ZCCHC2: variants seen among roughly 807,000 people sequenced by gnomAD.
ZCCHC2 encodes zinc finger CCHC domain-containing protein 2.
A neutral mutation model predicts 103.6 loss-of-function variants in ZCCHC2; 39 were observed. The observed-to-expected ratio is 0.38, with a 90% CI of 0.29 to 0.49. ZCCHC2 has a LOEUF of 0.49. Among genes scored for constraint, ZCCHC2 ranks in the 20% least tolerant of loss-of-function variants. The probability of loss-of-function intolerance (pLI) is 0.96; values close to 1 mark genes in which losing one functional copy is unlikely to be tolerated. For synonymous variants in ZCCHC2, 687 were observed against 608.9 expected, an observed-to-expected ratio of 1.13 and a Z score of -1.89; for missense variants, 1,483 against 1,491.0, an observed-to-expected ratio of 0.99 and a Z score of 0.09.
In ZCCHC2 at chr18:62,574,058, CACAG is replaced by C; in HGVS notation, c.1982_1985del (p.Asp661AlafsTer35). 1.2e-6 allele frequency: 2 copies of C among 1,611,020 alleles called. No homozygotes were observed. Among genetic ancestry groups the C allele is most frequent in the Non-Finnish European group, 1.7e-6 (2 of 1,178,278 alleles). ...TCTCTTTATGTTTGTTTTCTTTAGA[CACAG>C]ACAGCAATTCTGAGGATTCTGGGAA... On this transcript the variant is annotated frameshift_variant and splice_region_variant, in exon 13 of 14. Coordinates refer to ENST00000269499, the MANE Select transcript of ZCCHC2 (RefSeq NM_017742.6). LOFTEE classifies it high-confidence loss of function.
At chr18:62,562,819 A>G (rs1353424850) in intron 8 of ZCCHC2, among the ~76,000 whole-genome samples, 190 bp from the exon 9 acceptor site, 1 of 152,258 alleles carries the variant, frequency 6.6e-6, no homozygotes, top group Non-Finnish European at 1.5e-5. Flanking sequence ...TTTAGAGACA[A>G]GTATTAATGA....
chr18:62,555,037 A>G (rs1205375257), intron 5 of ZCCHC2, among the ~76,000 whole-genome samples: 2 of 152,218 alleles, frequency 1.3e-5, no homozygotes, highest in Admixed American at 1.3e-4. Context: ...CAAAACTAAT[A>G]GAATGGGATT....
Position 62,575,278 on chromosome 18 carries a change from G to A in ZCCHC2, c.3197G>A (p.Ser1066Asn), listed in dbSNP as rs747575491. Residue 1066 changes from serine to asparagine, a missense_variant, in exon 13 of 14, where the codon AGC becomes AAC. Around this residue, in one of 3 missense-constraint regions of ZCCHC2, gnomAD observed 884 missense variants for 907.5 expected, o/e 0.97. Transcript: ENST00000269499. The stretch of plus-strand genomic sequence containing the variant: ...AGCTACCTCAACCAAGCACATCAGA[G>A]CAATGGAAACCAACTTCCTTTTTTT... The part of the protein sequence containing the change: ...NGSYLNQAHQ[S>N]NGNQLPFFLP... 3 of 1,613,988 alleles carry A rather than the reference G, an allele frequency of 1.9e-6. No individual in the cohort carries two copies. The highest frequency in any genetic ancestry group is 2.2e-5 in the South Asian group (2 of 91,078).
In ZCCHC2 at chr18:62,570,147, A is replaced by G. The variant is rs748057862; in HGVS notation, c.1891A>G (p.Thr631Ala). Residue 631 changes from threonine (T) to alanine (A), a missense_variant, in exon 12 of 14, where the codon ACA becomes GCA. This residue lies in a region of ZCCHC2 where 884 missense variants were observed against 907.5 expected (regional missense o/e 0.97). Transcript: ENST00000269499. Reference protein sequence around the residue: ...IGSGHDTCGETSSESYSSPSS... With the variant: ...IGSGHDTCGEASSESYSSPSS... ...CTCTGGACATGACACATGTGGAGAA[A>G]CATCTTCAGAGAGTTACAGTTCTCC... is the stretch of plus-strand genomic sequence containing the variant. 1 of 1,612,824 alleles carries G rather than the reference A, an allele frequency of 6.2e-7. No homozygotes were observed. Among genetic ancestry groups the G allele is most frequent in the East Asian group, 2.2e-5 (1 of 44,852 alleles).
chr18:62,581,889 A>G, downstream of ZCCHC2: 1 of 181,324 alleles, frequency 5.5e-6, no homozygotes, highest in Non-Finnish European at 1.2e-5. Context: ...AGTGCTGTGG[A>G]AGGCCAGGTG....
chr18:62,559,620 A>G (rs1272914469), intron 7 of ZCCHC2, among the ~76,000 whole-genome samples: 1 of 152,242 alleles, frequency 6.6e-6, no homozygotes, highest in Non-Finnish European at 1.5e-5. Flanking sequence ...GCAATCCTGC[A>G]TCTATGAGAA....
chr18:62,578,625 G>A (rs1263165538), downstream of ZCCHC2: 1 of 152,556 alleles, frequency 6.6e-6, no homozygotes, highest in Admixed American at 6.6e-5. Flanking sequence ...AGTGGAGATA[G>A]GACATCATAC....
At chr18:62,583,069 A>C (rs373300131), downstream of ZCCHC2, among the ~76,000 whole-genome samples, 24 of 152,112 alleles carry the variant, frequency 1.6e-4, no homozygotes, top group Non-Finnish European at 1.2e-4. Flanking sequence ...ATGCCACTGC[A>C]CTCCAGCCTA....
Position 62,576,776 on chromosome 18 carries a change from C to A in ZCCHC2, c.*197C>A. 3.9e-6 allele frequency: 2 copies of A among 517,488 alleles called. No individual in the cohort carries two copies. Among genetic ancestry groups the A allele is most frequent in the African/African-American group, 2.0e-5 (1 of 51,118 alleles). 32.1% of individuals were successfully genotyped at this position (517,488 alleles called of 1,614,324 possible). A position where few individuals can be genotyped will look rare whatever the true frequency, so the allele number is the denominator to read the frequency against. ...CTTTTGAGCCTCTGGTCTCCTGGTT[C>A]AACAACAGGCTTATATGTATGATAC... On this transcript the variant is annotated 3_prime_UTR_variant, in exon 14 of 14. Coordinates refer to ENST00000269499, the MANE Select transcript of ZCCHC2 (RefSeq NM_017742.6).
chr18:62,533,851 A>C (rs994511959), intron 1 of ZCCHC2, among the ~76,000 whole-genome samples: 30 of 148,144 alleles, frequency 2.0e-4, no homozygotes, highest in Non-Finnish European at 3.0e-4. Context: ...CAGCCTGGGC[A>C]ACAAGAGCAA....
intron 2 of ZCCHC2, among the ~76,000 whole-genome samples, chr18:62,541,905 T>C (rs535925124): frequency 2.0e-5 from 3 of 152,334 alleles, no homozygotes; most frequent in African/African-American, 7.2e-5. Flanking sequence ...ATCTCTGTAA[T>C]GTAAAAAAAT....
At chr18:62,573,856 C>A (rs940917211) in intron 12 of ZCCHC2, among the ~76,000 whole-genome samples, 4 of 152,082 alleles carry the variant, frequency 2.6e-5, no homozygotes, top group African/African-American at 9.7e-5. Flanking sequence ...TTTATATCCC[C>A]GTATTTTAAA....
At position 62,564,560 on chromosome 18, in the gene ZCCHC2, C is replaced by G; in HGVS notation, c.1687-11C>G. 2 of 1,517,678 alleles carry G rather than the reference C, an allele frequency of 1.3e-6. No homozygotes were observed. Among genetic ancestry groups the G allele is most frequent in the Non-Finnish European group, 1.8e-6 (2 of 1,128,894 alleles). 94.0% of individuals were successfully genotyped at this position (1,517,678 alleles called of 1,614,324 possible). A position where few individuals can be genotyped will look rare whatever the true frequency, so the allele number is the denominator to read the frequency against. On this transcript the variant is annotated splice_polypyrimidine_tract_variant and intron_variant, in intron 9 of 13. Coordinates refer to ENST00000269499, the MANE Select transcript of ZCCHC2 (RefSeq NM_017742.6). The stretch of plus-strand genomic sequence containing the variant: ...CTTTTGTCTGATTTGTCTTTTTATT[C>G]TTTCTACTAGCATTCTGCTGAAAAA...
intron 7 of ZCCHC2, chr18:62,560,336 T>C (rs1916063319): frequency 2.8e-6 from 1 of 361,118 alleles, no homozygotes; most frequent in Non-Finnish European, 5.0e-6. Flanking sequence ...GACATGCTCA[T>C]ATAGACTTTC....
intron 5 of ZCCHC2, among the ~76,000 whole-genome samples, chr18:62,555,822 G>A (rs978053697): frequency 2.0e-5 from 3 of 149,148 alleles, no homozygotes; most frequent in African/African-American, 7.3e-5. Flanking sequence ...AAAAAAAAAA[G>A]TACAGCCAAA....
Position 62,524,045 on chromosome 18 carries a change from G to C in ZCCHC2, c.621G>C (p.Ala207=). 6.1e-6 allele frequency: 9 copies of C among 1,464,606 alleles called. No homozygotes were observed. Among genetic ancestry groups the C allele is most frequent in the Non-Finnish European group, 8.0e-6 (9 of 1,120,598 alleles). The allele number at this position is 1,464,606 out of a possible 1,614,324, so 90.7% of individuals were successfully genotyped here. The change falls in exon 1 of 14, where the codon GCG becomes GCC. Residue 207 remains alanine (A), a synonymous_variant. Transcript: ENST00000269499. The part of the protein sequence containing the change: ...QVDSVLKSLR[A]ARGEGSRGGA... ...ACTCGGTGCTCAAAAGCCTGCGCGCGGCCCGGGGCGAGGGCTCGCGGGGCG... is the reference window on the plus strand; with the variant it reads ...ACTCGGTGCTCAAAAGCCTGCGCGCCGCCCGGGGCGAGGGCTCGCGGGGCG...
intron 1 of ZCCHC2, chr18:62,525,111 A>G (rs970430914): frequency 6.6e-6 from 1 of 152,138 alleles, no homozygotes; most frequent in Non-Finnish European, 1.5e-5. Flanking sequence ...GCGCTTTCTC[A>G]CGGGCTTGAT....
chr18:62,541,853 C>T (rs1915200915), intron 2 of ZCCHC2, among the ~76,000 whole-genome samples: 1 of 152,094 alleles, frequency 6.6e-6, no homozygotes, highest in Non-Finnish European at 1.5e-5. Flanking sequence ...TAGTTCAATT[C>T]AGAGTGTTTT....
chr18:62,542,604 C>T, intron 3 of ZCCHC2, 30 bp downstream of exon 3: 2 of 1,527,508 alleles, frequency 1.3e-6, no homozygotes, highest in Non-Finnish European at 1.8e-6. Context: ...AAAGATACCT[C>T]ACGTGCTGTG....
Sources: allele counts gnomAD v4.1 joint callset (sites outside exome capture counted in the v4.1 genomes callset), GRCh38; gene constraint gnomAD v4.1.1; regional missense constraint gnomAD v4.1.1; transcripts MANE v1.5; gene names NCBI Gene and HGNC (gene_info 2026-07-23, HGNC 2026-07-21).